RABGAP1L: variants seen among roughly 807,000 people sequenced by gnomAD.
The protein encoded by RABGAP1L is rab GTPase-activating protein 1-like.
Under a neutral mutation model 137.7 loss-of-function variants are expected in RABGAP1L, and 63 were observed. That is an observed-to-expected ratio of 0.46 (90% CI 0.37 to 0.56). The LOEUF is 0.56. Ranked by LOEUF, RABGAP1L falls within the 20% of genes least tolerant of loss-of-function variation. The probability of loss-of-function intolerance (pLI) is 0.00; values close to 1 mark genes in which losing one functional copy is unlikely to be tolerated. For missense variants in RABGAP1L, 1,095 were observed against 1,244.0 expected (o/e 0.88, Z 1.80); for synonymous variants, 431 against 433.7 (o/e 0.99, Z 0.08).
intron 12 of RABGAP1L, among the ~76,000 whole-genome samples, chr1:174,377,458 G>A (rs1164136738): frequency 6.6e-6 from 1 of 152,168 alleles, no homozygotes; most frequent in Non-Finnish European, 1.5e-5. Context: ...GTTTACTGTA[G>A]CACTACAGTA....
At chr1:174,670,150 A>G (rs1677068418) in intron 14 of RABGAP1L, among the ~76,000 whole-genome samples, 1 of 152,154 alleles carries the variant, frequency 6.6e-6, no homozygotes, top group South Asian at 2.1e-4. Flanking sequence ...TCTTCAATTT[A>G]TTTCATCAAT....
chr1:174,438,733 A>AGT (rs1167772942), intron 13 of RABGAP1L, among the ~76,000 whole-genome samples: 191 of 86,920 alleles, frequency 2.2e-3, no homozygotes, highest in African/African-American at 3.9e-3. Context: ...ACCCAAAAAA[A>AGT]GTGTGTGTGT....
intron 20 of RABGAP1L, among the ~76,000 whole-genome samples, chr1:174,967,167 CTT>C (rs538764662): frequency 4.8e-4 from 67 of 139,522 alleles, no homozygotes; most frequent in Non-Finnish European, 4.7e-4. Context: ...TTCTTTCTTT[CTT>C]TTTTTTTTTT....
At chr1:174,552,899 C>G (rs1340924827) in intron 13 of RABGAP1L, among the ~76,000 whole-genome samples, 1 of 152,128 alleles carries the variant, frequency 6.6e-6, no homozygotes, top group Admixed American at 6.5e-5. Flanking sequence ...TATTTTTTGA[C>G]TTTTTAATAA....
intron 19 of RABGAP1L, among the ~76,000 whole-genome samples, chr1:174,937,799 T>A (rs79722536): frequency 8.2e-6 from 1 of 121,768 alleles, no homozygotes; most frequent in Admixed American, 8.2e-5. Context: ...CGGGTTCAAG[T>A]GATTCTCCTG....
chr1:174,704,067 A>T (rs920262448), intron 17 of RABGAP1L, among the ~76,000 whole-genome samples: 1 of 152,074 alleles, frequency 6.6e-6, no homozygotes, highest in Non-Finnish European at 1.5e-5. Flanking sequence ...GCATGATCTC[A>T]GCTCACTGCA....
chr1:174,694,085 G>T (rs1025231390), intron 15 of RABGAP1L, among the ~76,000 whole-genome samples: 14 of 152,166 alleles, frequency 9.2e-5, no homozygotes, highest in Non-Finnish European at 1.6e-4. Context: ...ATTATAAAGA[G>T]ATGATTTAAA....
intron 19 of RABGAP1L, among the ~76,000 whole-genome samples, chr1:174,844,711 C>G (rs1404861216): frequency 3.6e-5 from 4 of 112,146 alleles, no homozygotes; most frequent in Admixed American, 1.0e-4. Context: ...GATGCGGGCT[C>G]TTTTTTGGTT....
At chr1:174,691,337 A>G (rs1222328518) in intron 15 of RABGAP1L, among the ~76,000 whole-genome samples, 1 of 152,202 alleles carries the variant, frequency 6.6e-6, no homozygotes, top group Admixed American at 6.5e-5. Context: ...TGCATCTTAA[A>G]GACTTGAAAT....
At chr1:174,817,537 T>C (rs1690566279) in intron 19 of RABGAP1L, among the ~76,000 whole-genome samples, 1 of 151,022 alleles carries the variant, frequency 6.6e-6, no homozygotes, top group Non-Finnish European at 1.5e-5. Context: ...GTTAGGGGAG[T>C]AGATAGAGAA....
At chr1:174,621,361 T>G (rs1375442659) in intron 13 of RABGAP1L, among the ~76,000 whole-genome samples, 2 of 152,146 alleles carry the variant, frequency 1.3e-5, no homozygotes, top group Non-Finnish European at 1.5e-5. Flanking sequence ...TACTTTAAAG[T>G]TCATATGGAA....
chr1:174,915,734 C>T (rs901277612), intron 19 of RABGAP1L, among the ~76,000 whole-genome samples: 2 of 152,194 alleles, frequency 1.3e-5, no homozygotes, highest in Admixed American at 1.3e-4. Context: ...GGATTATAGG[C>T]GTGAGCCACC....
At position 174,305,173 on chromosome 1, in the gene RABGAP1L, T is replaced by G. The variant is rs1307187698; in HGVS notation, c.1465+46T>G. On this transcript the variant is annotated intron_variant, in intron 11 of 25. Transcript: ENST00000681986. ...AGTTTATTCTGTCTGTATAGCTGCT[T>G]TACTTACAATCTTCAGAGGAGGTGT... The G allele has an allele frequency of 6.2e-6, 9 of 1,460,244 alleles. No individual in the cohort carries two copies. The Admixed American group carries it at 2.6e-4, about 42-fold the overall frequency. The allele number at this position is 1,460,244 out of a possible 1,614,324, so 90.5% of individuals were successfully genotyped here.
At chr1:174,376,911 GTC>G (rs1398233466) in intron 12 of RABGAP1L, among the ~76,000 whole-genome samples, 1 of 152,072 alleles carries the variant, frequency 6.6e-6, no homozygotes, top group Non-Finnish European at 1.5e-5. Context: ...ATATAACACT[GTC>G]TCTATTTGCA....
intron 19 of RABGAP1L, among the ~76,000 whole-genome samples, chr1:174,819,187 T>TAAAAAAAAA (rs71299431): frequency 2.2e-5 from 1 of 44,840 alleles, no homozygotes; most frequent in Non-Finnish European, 4.1e-5. Flanking sequence ...TGCCTGTCTC[T>TAAAAAAAAA]AAAAAAAAAA....
intron 14 of RABGAP1L, among the ~76,000 whole-genome samples, chr1:174,667,899 C>T (rs1676902370): frequency 6.6e-6 from 1 of 152,154 alleles, no homozygotes; most frequent in Admixed American, 6.5e-5. Context: ...CCTTACTAAG[C>T]ACAGTGTTTG....
chr1:174,689,240 A>G (rs1383697591), intron 15 of RABGAP1L, among the ~76,000 whole-genome samples: 1 of 152,018 alleles, frequency 6.6e-6, no homozygotes, highest in Non-Finnish European at 1.5e-5. Context: ...GATTTAACCA[A>G]TGGAAGTAAA....
chr1:174,942,812 G>A (rs1292007227), intron 19 of RABGAP1L, among the ~76,000 whole-genome samples: 1 of 152,122 alleles, frequency 6.6e-6, no homozygotes, highest in African/African-American at 2.4e-5. Flanking sequence ...GCAGTTCTCC[G>A]CCTCCAACTG....
chr1:174,760,083 G>C (rs141234526), intron 18 of RABGAP1L, among the ~76,000 whole-genome samples: 2 of 152,290 alleles, frequency 1.3e-5, no homozygotes, highest in Admixed American at 1.3e-4. Context: ...TTGAGTGTTA[G>C]CAGTGGAACT....
Sources: allele counts gnomAD v4.1 joint callset (sites outside exome capture counted in the v4.1 genomes callset), GRCh38; gene constraint gnomAD v4.1.1; transcripts MANE v1.5; gene names NCBI Gene and HGNC (gene_info 2026-07-23, HGNC 2026-07-21).